SLC10A7: variants seen among roughly 807,000 people sequenced by gnomAD.
SLC10A7 encodes the protein sodium/bile acid cotransporter 7.
SLC10A7 carries 29 observed loss-of-function variants against 43.2 expected under a neutral mutation model. That is an observed-to-expected ratio of 0.67 (90% CI 0.50 to 0.92). The LOEUF is 0.92. Among genes scored for constraint, SLC10A7 ranks in the 40% least tolerant of loss-of-function variants. The probability of loss-of-function intolerance (pLI) is 0.00; values close to 1 mark genes in which losing one functional copy is unlikely to be tolerated. For synonymous variants in SLC10A7, 152 were observed against 144.8 expected (o/e 1.05, Z -0.35); for missense variants, 295 against 403.2 (o/e 0.73, Z 2.30).
chr4:146,323,797 A>T (rs550166071), intron 6 of SLC10A7, among the ~76,000 whole-genome samples: 2 of 152,246 alleles, frequency 1.3e-5, no homozygotes, highest in East Asian at 3.9e-4. Context: ...ACTCCTATTC[A>T]ACATAGTGTT....
At chr4:146,281,564 G>A (rs1729559669) in intron 10 of SLC10A7, among the ~76,000 whole-genome samples, 3 of 152,182 alleles carry the variant, frequency 2.0e-5, no homozygotes, top group South Asian at 4.2e-4. Flanking sequence ...GTGTATCTGA[G>A]GAGTCTGGCA....
chr4:146,254,426 T>C lies in SLC10A7; in HGVS notation c.*2065A>G, dbSNP rs1727795442. On this transcript the variant is annotated 3_prime_UTR_variant, in exon 12 of 12. Transcript: ENST00000335472. Reference sequence around the variant, plus strand: ...AGCATGAATTAAAAATAAATTTTGATTTTATTTTTTGTTCTTTATGAAAAA... The same window carrying C: ...AGCATGAATTAAAAATAAATTTTGACTTTATTTTTTGTTCTTTATGAAAAA... 6.6e-6 allele frequency: 1 copy of C among 152,194 alleles called. No homozygotes were observed. Among genetic ancestry groups the C allele is most frequent in the South Asian group, 2.1e-4 (1 of 4,828 alleles). 9.4% of individuals were successfully genotyped at this position (152,194 alleles called of 1,614,324 possible). A position where few individuals can be genotyped will look rare whatever the true frequency, so the allele number is the denominator to read the frequency against.
rs11947477 is a variant in SLC10A7, at chr4:146,391,692, A to G, written c.435+51091T>C. ...CCATACATCCCTAACTCTAATCAGTAATTGTCATTAAAAGCTCTCATTATG... is the reference window on the plus strand; with the variant it reads ...CCATACATCCCTAACTCTAATCAGTGATTGTCATTAAAAGCTCTCATTATG... On this transcript the variant is annotated intron_variant, in intron 5 of 11. Transcript: ENST00000335472. Among the ~76,000 whole-genome samples the G allele has an allele frequency of 5.7e-3, 873 of 152,306 alleles. 11 individuals are homozygous for G. Among genetic ancestry groups the G allele is most frequent in the African/African-American group, 0.02 (836 of 41,558 alleles).
At chr4:146,392,145 G>A (rs1738477203) in intron 5 of SLC10A7, among the ~76,000 whole-genome samples, 1 of 152,130 alleles carries the variant, frequency 6.6e-6, no homozygotes, top group South Asian at 2.1e-4. Context: ...CATTCATCAT[G>A]ACATGCAAAA....
At chr4:146,416,260 C>G (rs568411148) in intron 5 of SLC10A7, among the ~76,000 whole-genome samples, 1 of 152,246 alleles carries the variant, frequency 6.6e-6, no homozygotes, top group South Asian at 2.1e-4. Context: ...AGCATGAGAG[C>G]CATGCCTAGT....
intron 4 of SLC10A7, among the ~76,000 whole-genome samples, chr4:146,472,928 T>C (rs1438405900): frequency 6.6e-6 from 1 of 152,156 alleles, no homozygotes. Context: ...GAGACTGAAA[T>C]GTGAATTTCA....
chr4:146,496,694 C>G (rs1038884265), intron 4 of SLC10A7, among the ~76,000 whole-genome samples: 7 of 152,134 alleles, frequency 4.6e-5, no homozygotes, highest in African/African-American at 1.7e-4. Flanking sequence ...TTTCATCAGA[C>G]AGCATAAAAA....
intron 5 of SLC10A7, among the ~76,000 whole-genome samples, chr4:146,357,933 A>G (rs951440149): frequency 2.0e-5 from 3 of 152,056 alleles, no homozygotes; most frequent in Admixed American, 1.3e-4. Flanking sequence ...TCATCCTGAC[A>G]GAACTCCCAT....
At chr4:146,335,717 T>G (rs1011155777) in intron 5 of SLC10A7, among the ~76,000 whole-genome samples, 3 of 152,062 alleles carry the variant, frequency 2.0e-5, no homozygotes, top group Non-Finnish European at 4.4e-5. Flanking sequence ...GATGATAAGA[T>G]AATCATTTTG....
At chr4:146,259,328 A>G (rs2356939) in intron 10 of SLC10A7, among the ~76,000 whole-genome samples, 88,402 of 152,098 alleles carry the variant, frequency 0.58, 26,219 homozygotes, top group East Asian at 0.82. Flanking sequence ...ATAAGTAGGA[A>G]GGCATTTTAG....
chr4:146,483,994 A>G (rs748195714), intron 4 of SLC10A7, among the ~76,000 whole-genome samples: 13 of 152,206 alleles, frequency 8.5e-5, no homozygotes, highest in Non-Finnish European at 1.3e-4. Context: ...GAATTAATGG[A>G]TATGAGGGGA....
At chr4:146,361,526 C>A (rs1042705079) in intron 5 of SLC10A7, among the ~76,000 whole-genome samples, 4 of 152,068 alleles carry the variant, frequency 2.6e-5, no homozygotes, top group Admixed American at 2.6e-4. Context: ...GGGCTTATGG[C>A]ACCCCCCTAG....
At chr4:146,389,273 T>C (rs978496228) in intron 5 of SLC10A7, among the ~76,000 whole-genome samples, 1 of 150,754 alleles carries the variant, frequency 6.6e-6, no homozygotes, top group African/African-American at 2.4e-5. Flanking sequence ...ATGCAATATA[T>C]CCATGTAACA....
At chr4:146,326,693 T>C (rs1021636958) in intron 5 of SLC10A7, among the ~76,000 whole-genome samples, 1 of 152,170 alleles carries the variant, frequency 6.6e-6, no homozygotes, top group African/African-American at 2.4e-5. Flanking sequence ...TGAAGGCAAA[T>C]CTTTAAAACT....
intron 5 of SLC10A7, among the ~76,000 whole-genome samples, chr4:146,384,577 T>C (rs1193071595): frequency 6.6e-6 from 1 of 152,120 alleles, no homozygotes; most frequent in African/African-American, 2.4e-5. Flanking sequence ...AGTCTCTTTA[T>C]CAGGTTTCAT....
At position 146,256,468 on chromosome 4, in the gene SLC10A7, C is replaced by T; in HGVS notation, c.*23G>A. On this transcript the variant is annotated 3_prime_UTR_variant, in exon 12 of 12. Transcript: ENST00000335472. ...TACAATCCTGTACATATATACATTGCTACAGAAAGTCCACCTCCTTTGTTA... is the reference window on the plus strand; with the variant it reads ...TACAATCCTGTACATATATACATTGTTACAGAAAGTCCACCTCCTTTGTTA... 1.2e-6 allele frequency: 2 copies of T among 1,613,070 alleles called. No individual in the cohort carries two copies. Among genetic ancestry groups the T allele is most frequent in the African/African-American group, 1.3e-5 (1 of 75,002 alleles).
At chr4:146,438,089 A>T (rs1357210139) in intron 5 of SLC10A7, among the ~76,000 whole-genome samples, 1 of 152,038 alleles carries the variant, frequency 6.6e-6, no homozygotes, top group Non-Finnish European at 1.5e-5. Context: ...TGTGTTTGGG[A>T]TTTCTTTTCT....
In SLC10A7 at chr4:146,317,318, A is replaced by G. The variant is rs576455877; in HGVS notation, c.471+8643T>C. ...CAAAAAATGTTTTTGAGTGGCTTCA[A>G]CTGCCAGGCACTATTTTGGGTATTG... On this transcript the variant is annotated intron_variant, in intron 6 of 11. Coordinates refer to ENST00000335472, the MANE Select transcript of SLC10A7 (RefSeq NM_001029998.6). Among the ~76,000 whole-genome samples the G allele has an allele frequency of 1.6e-4, 24 of 152,190 alleles. 1 individual carries two copies. The South Asian group carries it at 4.6e-3, about 29-fold the overall frequency.
intron 7 of SLC10A7, among the ~76,000 whole-genome samples, chr4:146,299,225 A>C (rs1341414990): frequency 1.3e-5 from 2 of 152,214 alleles, no homozygotes; most frequent in South Asian, 2.1e-4. Flanking sequence ...CAGTTGTGAA[A>C]GTAGCCTGCC....
Sources: gnomAD v4.1 joint callset for allele counts (sites outside exome capture counted in the v4.1 genomes callset) on GRCh38, gnomAD v4.1.1 for gene constraint, MANE v1.5 for transcripts, NCBI Gene and HGNC (gene_info 2026-07-23, HGNC 2026-07-21) for gene names.